KCNK10: variants seen among roughly 807,000 people sequenced by gnomAD.
The protein encoded by KCNK10 is potassium two pore domain channel subfamily K member 10, also known as potassium channel subfamily K member 10.
In KCNK10, 25 loss-of-function variants were observed where a neutral mutation model predicts 47.7. The ratio of observed to expected loss-of-function variants is 0.52; its 90% CI spans 0.38 to 0.73. The LOEUF (loss-of-function observed/expected upper bound fraction) is 0.73. Among genes scored for constraint, KCNK10 ranks in the 30% least tolerant of loss-of-function variants. The probability of loss-of-function intolerance (pLI) is 0.00; values close to 1 mark genes in which losing one functional copy is unlikely to be tolerated. For synonymous variants in KCNK10, 303 were observed against 285.6 expected (o/e 1.06, Z -0.61); for missense variants, 563 against 714.5 (o/e 0.79, Z 2.42).
At chr14:88,207,721 G>T (rs1401889491) in intron 4 of KCNK10, among the ~76,000 whole-genome samples, 1 of 152,174 alleles carries the variant, frequency 6.6e-6, no homozygotes, top group Non-Finnish European at 1.5e-5. Flanking sequence ...CAGGCCATGT[G>T]CTAGCACCTG....
intron 2 of KCNK10, among the ~76,000 whole-genome samples, chr14:88,243,721 G>A (rs1375180627): frequency 6.6e-6 from 1 of 151,848 alleles, no homozygotes; most frequent in Non-Finnish European, 1.5e-5. Flanking sequence ...ACCCTAAGAG[G>A]GAAGGATCAG....
intron 2 of KCNK10, among the ~76,000 whole-genome samples, chr14:88,254,751 T>A (rs190188121): frequency 6.6e-6 from 1 of 152,326 alleles, no homozygotes; most frequent in African/African-American, 2.4e-5. Context: ...TGGGACACAG[T>A]GACCGCCAAA....
At chr14:88,230,019 T>C (rs1371978978) in intron 3 of KCNK10, among the ~76,000 whole-genome samples, 1 of 152,200 alleles carries the variant, frequency 6.6e-6, no homozygotes, top group Non-Finnish European at 1.5e-5. Flanking sequence ...AGGCACATTC[T>C]TAATCTCTCT....
intron 2 of KCNK10, among the ~76,000 whole-genome samples, chr14:88,250,762 A>G (rs2139903215): frequency 6.6e-6 from 1 of 152,300 alleles, no homozygotes; most frequent in East Asian, 1.9e-4. Flanking sequence ...GTGGTGGCAC[A>G]CCCCTGTAGT....
chr14:88,187,119 T>C (rs1595068966), intron 6 of KCNK10, among the ~76,000 whole-genome samples: 1 of 152,358 alleles, frequency 6.6e-6, no homozygotes, highest in African/African-American at 2.4e-5. Flanking sequence ...CTTACTTTCC[T>C]GGCTTACTTA....
chr14:88,316,883 T>C (rs1420932994), intron 1 of KCNK10, among the ~76,000 whole-genome samples: 2 of 152,236 alleles, frequency 1.3e-5, no homozygotes, highest in Non-Finnish European at 2.9e-5. Context: ...TCAGTTGTGG[T>C]TGAAGTTTCC....
At chr14:88,310,157 C>CATATGGTATATA (rs1888284548) in intron 1 of KCNK10, among the ~76,000 whole-genome samples, 2 of 43,542 alleles carry the variant, frequency 4.6e-5, no homozygotes, top group Non-Finnish European at 1.0e-4. Flanking sequence ...ATATCTCTCT[C>CATATGGTATATA]ATATACCATA....
chr14:88,292,993 G>GAA (rs34016641), intron 1 of KCNK10, among the ~76,000 whole-genome samples: 3 of 151,886 alleles, frequency 2.0e-5, no homozygotes, highest in East Asian at 3.9e-4. Context: ...TTGAATATCT[G>GAA]AAAAAAAAGT....
chr14:88,231,157 A>G (rs1184389976), intron 3 of KCNK10, among the ~76,000 whole-genome samples: 1 of 152,070 alleles, frequency 6.6e-6, no homozygotes, highest in Non-Finnish European at 1.5e-5. Flanking sequence ...GTGCACAACT[A>G]TAGTTCCAGC....
At position 88,280,737 on chromosome 14, in the gene KCNK10, C is replaced by T. The variant is rs189759229; in HGVS notation, c.53-17186G>A. Among the ~76,000 whole-genome samples the T allele has an allele frequency of 9.2e-5, 14 of 152,238 alleles. No individual in the cohort carries two copies. In the East Asian group the frequency reaches 2.7e-3, roughly 29 times the overall value. On this transcript the variant is annotated intron_variant, in intron 1 of 6. Transcript: ENST00000319231. ...TCCCCAATAGTTCTCTCATTTCTAC[C>T]GCCAAAATAGACCTGCAAACAATCC...
At chr14:88,215,496 G>A (rs1885588941) in intron 4 of KCNK10, among the ~76,000 whole-genome samples, 1 of 152,102 alleles carries the variant, frequency 6.6e-6, no homozygotes, top group East Asian at 1.9e-4. Context: ...GAGGATTATG[G>A]GAACTACAGT....
At chr14:88,231,305 T>C (rs1356074902) in intron 3 of KCNK10, among the ~76,000 whole-genome samples, 1 of 128,012 alleles carries the variant, frequency 7.8e-6, no homozygotes, top group Non-Finnish European at 1.7e-5. Context: ...AAATAAAAAA[T>C]AAACATCCAA....
At chr14:88,243,494 A>C (rs1236048456) in intron 2 of KCNK10, among the ~76,000 whole-genome samples, 1 of 151,988 alleles carries the variant, frequency 6.6e-6, no homozygotes, top group Non-Finnish European at 1.5e-5. Context: ...TCCCATCTTC[A>C]CCTCCAGACA....
At chr14:88,306,855 A>G (rs1888212449) in intron 1 of KCNK10, among the ~76,000 whole-genome samples, 1 of 152,198 alleles carries the variant, frequency 6.6e-6, no homozygotes, top group South Asian at 2.1e-4. Context: ...CATTTCTGTA[A>G]CTTTCCAAGT....
rs57494411 is a variant in KCNK10, at chr14:88,289,184, A to C, written c.53-25633T>G. 7.4e-3 allele frequency among the ~76,000 whole-genome samples: 1,129 copies of C among 152,330 alleles called. 12 individuals are homozygous for C. Among genetic ancestry groups the C allele is most frequent in the African/African-American group, 0.026 (1,083 of 41,556 alleles). On this transcript the variant is annotated intron_variant, in intron 1 of 6. Transcript: ENST00000319231. ...GGAAATCCTGGAGAAGATCAAGAGTAACATGGCCTTTAGGATTCAAATGCT... is the reference window on the plus strand; with the variant it reads ...GGAAATCCTGGAGAAGATCAAGAGTCACATGGCCTTTAGGATTCAAATGCT...
intron 2 of KCNK10, among the ~76,000 whole-genome samples, chr14:88,250,566 C>T (rs1886765363): frequency 6.6e-6 from 1 of 152,210 alleles, no homozygotes; most frequent in Non-Finnish European, 1.5e-5. Context: ...TCTAGATCTG[C>T]ACTCTGAAGT....
rs1884311609 is a variant in KCNK10 at position 88,180,543 on chromosome 14, A to C, written c.*4992T>G. 2 of 355,504 alleles carry C rather than the reference A, an allele frequency of 5.6e-6. No homozygotes were observed. The highest frequency in any genetic ancestry group is 8.3e-5 in the East Asian group (2 of 24,202). The allele number at this position is 355,504 out of a possible 1,614,324, so 22.0% of individuals were successfully genotyped here. ...CAGCATAGGTCTGCTGAATCGACGG[A>C]GCAGGAGTCCTCTCAAAATAATTTA... On this transcript the variant is annotated 3_prime_UTR_variant, in exon 7 of 7. Coordinates refer to ENST00000319231, the MANE Select transcript of KCNK10 (RefSeq NM_138317.3).
intron 4 of KCNK10, among the ~76,000 whole-genome samples, chr14:88,226,407 A>C (rs188721838): frequency 5.9e-5 from 9 of 152,354 alleles, no homozygotes; most frequent in South Asian, 2.1e-4. Context: ...GGGGGAAAAA[A>C]GCACAGCTTT....
intron 3 of KCNK10, among the ~76,000 whole-genome samples, chr14:88,234,834 G>A (rs1370862633): frequency 6.6e-6 from 1 of 152,198 alleles, no homozygotes; most frequent in African/African-American, 2.4e-5. Context: ...ATAATCCAGA[G>A]ATTCCAGCAT....
Sources: allele counts gnomAD v4.1 joint callset (sites outside exome capture counted in the v4.1 genomes callset), GRCh38; gene constraint gnomAD v4.1.1; transcripts MANE v1.5; gene names NCBI Gene and HGNC (gene_info 2026-07-23, HGNC 2026-07-21).